TTC28: variants seen among roughly 807,000 people sequenced by gnomAD.
TTC28 encodes the protein tetratricopeptide repeat domain 28, also known as tetratricopeptide repeat protein 28.
Under a neutral mutation model 198.0 loss-of-function variants are expected in TTC28, and 61 were observed. The ratio of observed to expected loss-of-function variants is 0.31; its 90% CI spans 0.25 to 0.38. The LOEUF is 0.38. Among genes scored for constraint, TTC28 ranks in the 10% least tolerant of loss-of-function variants. The pLI is 1.00. For missense variants in TTC28, 2,678 were observed against 3,164.0 expected, an observed-to-expected ratio of 0.85 and a Z score of 3.69; for synonymous variants, 1,171 against 1,297.8, an observed-to-expected ratio of 0.90 and a Z score of 2.10.
intron 2 of TTC28, among the ~76,000 whole-genome samples, chr22:28,428,603 AATT>A (rs1427863541): frequency 8.1e-6 from 1 of 122,988 alleles, no homozygotes; most frequent in Non-Finnish European, 1.9e-5. Flanking sequence ...ACATTTCATG[AATT>A]ATTATTTTAT....
intron 2 of TTC28, among the ~76,000 whole-genome samples, chr22:28,459,386 G>A (rs2047914005): frequency 4.0e-5 from 6 of 151,512 alleles, no homozygotes; most frequent in Admixed American, 3.3e-4. Flanking sequence ...AGCCAAGATG[G>A]CACGACTGCA....
intron 2 of TTC28, among the ~76,000 whole-genome samples, chr22:28,370,629 T>G (rs1398373140): frequency 6.6e-6 from 1 of 151,998 alleles, no homozygotes; most frequent in Non-Finnish European, 1.5e-5. Flanking sequence ...ATCCAAAGAC[T>G]TCCCTGAAAA....
At chr22:28,240,057 A>C (rs998705651) in intron 5 of TTC28, among the ~76,000 whole-genome samples, 1 of 152,228 alleles carries the variant, frequency 6.6e-6, no homozygotes, top group African/African-American at 2.4e-5. Context: ...GAAATGAATG[A>C]ATCTGACTGT....
chr22:28,670,376 T>C (rs546176074), intron 1 of TTC28, among the ~76,000 whole-genome samples: 4 of 152,138 alleles, frequency 2.6e-5, no homozygotes, highest in Non-Finnish European at 5.9e-5. Flanking sequence ...ACTAATCTTC[T>C]TTCCCTCTCT....
intron 2 of TTC28, among the ~76,000 whole-genome samples, chr22:28,531,064 A>C (rs2049125116): frequency 1.3e-5 from 2 of 152,154 alleles, no homozygotes; most frequent in Admixed American, 6.5e-5. Context: ...AACAATATTA[A>C]CCTTAAATGT....
chr22:28,279,692 A>T (rs1373654266), intron 5 of TTC28, among the ~76,000 whole-genome samples: 1 of 152,158 alleles, frequency 6.6e-6, no homozygotes, highest in Non-Finnish European at 1.5e-5. Context: ...TTTGACACAC[A>T]CATACACCTA....
chr22:27,998,630 G>T lies in TTC28; in HGVS notation c.5029C>A (p.Leu1677Met). The T allele has an allele frequency of 1.9e-6, 3 of 1,550,850 alleles. No individual in the cohort carries two copies. The highest frequency in any genetic ancestry group is 2.6e-6 in the Non-Finnish European group (3 of 1,147,008). Residue 1677 changes from leucine (L) to methionine (M), a missense_variant, in exon 16 of 23, where the codon CTG becomes ATG. Coordinates refer to ENST00000397906, the MANE Select transcript of TTC28 (RefSeq NM_001145418.2). ...GCGGCGCTGGCTTTCAGGCCGTTCA[G>T]CAGGGATGAGTAGAAGGCATGGATG... ...MFIHAFYSSL[L>M]NGLKASAALG...
At chr22:28,230,423 C>T (rs1001294049) in intron 5 of TTC28, among the ~76,000 whole-genome samples, 3 of 152,198 alleles carry the variant, frequency 2.0e-5, no homozygotes, top group African/African-American at 7.2e-5. Flanking sequence ...AGACTTGTTA[C>T]AATCCATTCA....
At chr22:27,990,907 G>C (rs536504775) in intron 19 of TTC28, 95 bp from the exon 20 acceptor site, 1 of 1,316,682 alleles carries the variant, frequency 7.6e-7, no homozygotes, top group South Asian at 1.4e-5. Flanking sequence ...GCTGATCACT[G>C]TTTAGGAAGC....
chr22:28,222,382 G>A (rs528914082), intron 5 of TTC28, among the ~76,000 whole-genome samples: 3 of 152,296 alleles, frequency 2.0e-5, no homozygotes, highest in African/African-American at 7.2e-5. Context: ...TACACGACCC[G>A]AAGGTGATTT....
chr22:28,014,707 T>C (rs1368019006), intron 13 of TTC28, among the ~76,000 whole-genome samples: 3 of 152,226 alleles, frequency 2.0e-5, no homozygotes, highest in Non-Finnish European at 4.4e-5. Flanking sequence ...AGCAATTGTG[T>C]GCAGGCAAAC....
chr22:28,337,650 G>C (rs1213552082), intron 2 of TTC28, among the ~76,000 whole-genome samples: 8 of 152,256 alleles, frequency 5.3e-5, no homozygotes, highest in South Asian at 2.1e-4. Flanking sequence ...TTATCCGAGA[G>C]TAGGATTGCA....
chr22:28,510,170 A>T (rs1239033192), intron 2 of TTC28, among the ~76,000 whole-genome samples: 2 of 152,178 alleles, frequency 1.3e-5, no homozygotes, highest in African/African-American at 2.4e-5. Flanking sequence ...CTCCTCCCCA[A>T]CTCATTCTAT....
chr22:28,473,754 G>A (rs762072895), intron 2 of TTC28, among the ~76,000 whole-genome samples: 1 of 152,160 alleles, frequency 6.6e-6, no homozygotes, highest in Non-Finnish European at 1.5e-5. Flanking sequence ...CACTTTGGGG[G>A]CTCACCTGCC....
intron 5 of TTC28, among the ~76,000 whole-genome samples, chr22:28,237,613 G>GT (rs1291411538): frequency 6.6e-6 from 1 of 152,132 alleles, no homozygotes; most frequent in Non-Finnish European, 1.5e-5. Context: ...TATCACTGCT[G>GT]TGTTACCTAG....
At chr22:28,082,096 T>A (rs568295909) in intron 12 of TTC28, among the ~76,000 whole-genome samples, 2 of 152,250 alleles carry the variant, frequency 1.3e-5, no homozygotes, top group Non-Finnish European at 2.9e-5. Context: ...TTTTTGTTCA[T>A]TGATTTCATA....
intron 5 of TTC28, among the ~76,000 whole-genome samples, chr22:28,255,462 A>C (rs970628417): frequency 2.0e-5 from 3 of 152,032 alleles, no homozygotes; most frequent in African/African-American, 7.2e-5. Context: ...TGGGTGGATC[A>C]CCTGAGGTCA....
chr22:28,549,215 G>A (rs190600149), intron 2 of TTC28, among the ~76,000 whole-genome samples: 1 of 152,110 alleles, frequency 6.6e-6, no homozygotes, highest in Admixed American at 6.5e-5. Context: ...TGTTAGGAGA[G>A]ATGGGGTTTC....
chr22:28,477,217 A>G (rs976132751), intron 2 of TTC28, among the ~76,000 whole-genome samples: 3 of 152,220 alleles, frequency 2.0e-5, no homozygotes, highest in African/African-American at 7.2e-5. Flanking sequence ...CACATTTCTC[A>G]AAACTCATCT....
Sources: gnomAD v4.1 joint callset for allele counts (sites outside exome capture counted in the v4.1 genomes callset) on GRCh38, gnomAD v4.1.1 for gene constraint, MANE v1.5 for transcripts, NCBI Gene and HGNC (gene_info 2026-07-23, HGNC 2026-07-21) for gene names.